Variants in NCAM1 observed in about 807,000 individuals in gnomAD.
The protein encoded by NCAM1 is antigen recognized by monoclonal antibody 5.1H11.
A neutral mutation model predicts 109.8 loss-of-function variants in NCAM1; 14 were observed. The observed-to-expected ratio is 0.13, with a 90% CI of 0.08 to 0.20. The LOEUF is 0.20. NCAM1 is among the 10% of genes least tolerant of loss of function. NCAM1 has a pLI of 1.00. For missense variants in NCAM1, 774 were observed against 1,109.9 expected (o/e 0.70, Z 4.30); for synonymous variants, 418 against 442.9 (o/e 0.94, Z 0.70).
chr11:113,141,243 T>C (rs751534258), intron 1 of NCAM1, among the ~76,000 whole-genome samples: 9 of 152,226 alleles, frequency 5.9e-5, no homozygotes, highest in Non-Finnish European at 1.3e-4. Flanking sequence ...TGTGATGACC[T>C]ACTCTGCCCT....
In NCAM1 at chr11:112,962,080, G is replaced by T. The variant is rs1555063351; in HGVS notation, c.52+416G>T. On this transcript the variant is annotated intron_variant, in intron 1 of 19. Coordinates refer to ENST00000316851, the MANE Select transcript of NCAM1 (RefSeq NM_181351.5). This position sits in a 1 kb window ranked among gnomAD's most constrained non-coding sequence, Gnocchi z 5.6. ...GGGCTCGGATTCCGAGGGGGAAGTGGCTTGTCAGCCCCGGCTCCGGGAAGA... is the reference window on the plus strand; with the variant it reads ...GGGCTCGGATTCCGAGGGGGAAGTGTCTTGTCAGCCCCGGCTCCGGGAAGA... Among the ~76,000 whole-genome samples the T allele has an allele frequency of 6.6e-6, 1 of 152,186 alleles. No individual in the cohort carries two copies. The highest frequency in any genetic ancestry group is 2.1e-4 in the South Asian group (1 of 4,834).
At chr11:113,102,944 A>G (rs1369661937) in intron 1 of NCAM1, among the ~76,000 whole-genome samples, 1 of 152,168 alleles carries the variant, frequency 6.6e-6, no homozygotes, top group Non-Finnish European at 1.5e-5. Flanking sequence ...TATTAGACAC[A>G]AAATAAACTG....
At chr11:113,224,754 A>G (rs565453155) in intron 9 of NCAM1, among the ~76,000 whole-genome samples, 2 of 152,324 alleles carry the variant, frequency 1.3e-5, no homozygotes, top group Admixed American at 1.3e-4. Flanking sequence ...GAACGATCAG[A>G]CAGCAGCATT....
intron 1 of NCAM1, among the ~76,000 whole-genome samples, chr11:113,182,698 G>A (rs1470930300): frequency 6.6e-6 from 1 of 152,230 alleles, no homozygotes; most frequent in Non-Finnish European, 1.5e-5. Flanking sequence ...TGTGTTCTGG[G>A]TGGACTGTCT....
At chr11:113,185,685 A>T (rs1943487157) in intron 1 of NCAM1, among the ~76,000 whole-genome samples, 1 of 152,228 alleles carries the variant, frequency 6.6e-6, no homozygotes. Context: ...CAACATTAGA[A>T]TGATTGTAAA....
At chr11:113,074,824 C>T (rs1225105654) in intron 1 of NCAM1, among the ~76,000 whole-genome samples, 1 of 151,980 alleles carries the variant, frequency 6.6e-6, no homozygotes, top group Non-Finnish European at 1.5e-5. Context: ...TAGAGAGGAG[C>T]GTTCACCATG....
At chr11:113,183,133 T>C (rs1373633648) in intron 1 of NCAM1, among the ~76,000 whole-genome samples, 2 of 152,184 alleles carry the variant, frequency 1.3e-5, no homozygotes, top group African/African-American at 4.8e-5. Flanking sequence ...TCAAATCCTG[T>C]GGGTGTTTGT....
chr11:113,111,223 T>TTTTAAA lies in NCAM1; in HGVS notation c.53-91156_53-91155insTTTAAA, dbSNP rs1429573007. On this transcript the variant is annotated intron_variant, in intron 1 of 19. Transcript: ENST00000316851. ...TAAACAAAGCATTTGTTTTCATCTG[T>TTTTAAA]GCTTTCATGGCTTTATCTACTTCCA... Among the ~76,000 whole-genome samples, 6 of 152,338 alleles carry TTTTAAA rather than the reference T, an allele frequency of 3.9e-5. No individual in the cohort carries two copies. In the East Asian group the frequency reaches 1.2e-3, roughly 29 times the overall value.
At chr11:113,190,527 C>A (rs547328745) in intron 1 of NCAM1, among the ~76,000 whole-genome samples, 1 of 152,316 alleles carries the variant, frequency 6.6e-6, no homozygotes. Context: ...CTAGGTTGGG[C>A]TACTCTGGGT....
At chr11:113,077,907 A>T (rs782283821) in intron 1 of NCAM1, among the ~76,000 whole-genome samples, 1 of 151,946 alleles carries the variant, frequency 6.6e-6, no homozygotes, top group Non-Finnish European at 1.5e-5. Context: ...GGCTGGTCTC[A>T]AACTCCTGAC....
At chr11:113,183,210 A>G (rs573227904) in intron 1 of NCAM1, among the ~76,000 whole-genome samples, 1 of 152,042 alleles carries the variant, frequency 6.6e-6, no homozygotes, top group South Asian at 2.1e-4. Flanking sequence ...CCACTTTGCC[A>G]CCCTCTGCCT....
chr11:113,184,234 T>C (rs570654300), intron 1 of NCAM1, among the ~76,000 whole-genome samples: 59 of 152,356 alleles, frequency 3.9e-4, no homozygotes, highest in African/African-American at 1.4e-3. Context: ...GAAGGCAAGA[T>C]GAATTCAGCT....
chr11:113,056,030 A>G (rs1953701336), intron 1 of NCAM1, among the ~76,000 whole-genome samples: 1 of 133,918 alleles, frequency 7.5e-6, no homozygotes, highest in Admixed American at 7.6e-5. Context: ...TATATAAAAT[A>G]TATATATTAT....
chr11:113,149,006 G>T (rs1488636770), intron 1 of NCAM1, among the ~76,000 whole-genome samples: 2 of 152,178 alleles, frequency 1.3e-5, no homozygotes, highest in Non-Finnish European at 2.9e-5. Context: ...AAAGGATCTT[G>T]CAGTAACCAA....
intron 13 of NCAM1, among the ~76,000 whole-genome samples, chr11:113,234,404 A>G (rs1310203292): frequency 1.3e-5 from 2 of 152,166 alleles, no homozygotes; most frequent in East Asian, 3.9e-4. Context: ...ACTTTTTATC[A>G]TCCCAAACTG....
At chr11:113,088,573 A>G (rs1371914512) in intron 1 of NCAM1, among the ~76,000 whole-genome samples, 83 of 152,298 alleles carry the variant, frequency 5.4e-4, no homozygotes, top group African/African-American at 1.9e-3. Context: ...AAACACTAGT[A>G]CCTAGCTAAC....
intron 1 of NCAM1, among the ~76,000 whole-genome samples, chr11:113,035,534 T>C (rs1308403376): frequency 2.6e-5 from 4 of 152,064 alleles, no homozygotes; most frequent in East Asian, 3.9e-4. Flanking sequence ...ACTGGGGAAA[T>C]GTATTGTTCT....
chr11:113,231,825 G>C (rs1555117312), intron 10 of NCAM1, 30 bp downstream of exon 10: 1 of 1,613,250 alleles, frequency 6.2e-7, no homozygotes, highest in African/African-American at 1.3e-5. Context: ...GGACCTGGGG[G>C]AGGGAGGGGC....
intron 1 of NCAM1, among the ~76,000 whole-genome samples, chr11:113,112,884 C>T (rs911308114): frequency 5.9e-5 from 9 of 152,124 alleles, no homozygotes; most frequent in African/African-American, 1.2e-4. Context: ...GTAATCCCAG[C>T]ACTTTGGGAG....
Sources: gnomAD v4.1 joint callset for allele counts (sites outside exome capture counted in the v4.1 genomes callset) on GRCh38, gnomAD v4.1.1 for gene constraint, Gnocchi (gnomAD v3.1) non-coding constraint, MANE v1.5 for transcripts, NCBI Gene and HGNC (gene_info 2026-07-23, HGNC 2026-07-21) for gene names.